The following MPP7 variants were observed in gnomAD, a reference collection of about 807,000 sequenced individuals.
MPP7 encodes MAGUK p55 scaffold protein 7.
A neutral mutation model predicts 76.5 loss-of-function variants in MPP7; 60 were observed. The ratio of observed to expected loss-of-function variants is 0.78; its 90% confidence interval spans 0.64 to 0.97. The LOEUF is 0.97. Ranked by LOEUF, MPP7 falls within the 50% of genes least tolerant of loss-of-function variation. MPP7 has a pLI of 0.00. For synonymous variants in MPP7, 237 were observed against 244.5 expected, an observed-to-expected ratio of 0.97 and a Z score of 0.29; for missense variants, 641 against 694.0, an observed-to-expected ratio of 0.92 and a Z score of 0.86.
intron 11 of MPP7, among the ~76,000 whole-genome samples, chr10:28,116,219 A>T (rs550417297): frequency 6.6e-6 from 1 of 152,314 alleles, no homozygotes; most frequent in South Asian, 2.1e-4. Context: ...CATTAGGAAG[A>T]CAATTCTTAA....
intron 4 of MPP7, among the ~76,000 whole-genome samples, chr10:28,149,709 T>C (rs1395389164): frequency 3.8e-5 from 5 of 131,276 alleles, no homozygotes; most frequent in Non-Finnish European, 7.7e-5. Context: ...ACAGCTTCTC[T>C]CTCTCCAGAG....
chr10:28,245,230 C>G (rs1394638440), intron 1 of MPP7, among the ~76,000 whole-genome samples: 1 of 152,178 alleles, frequency 6.6e-6, no homozygotes, highest in Non-Finnish European at 1.5e-5. Flanking sequence ...GACTAATTCT[C>G]AATTTCAGAT....
At chr10:28,170,809 T>A (rs1836655045) in intron 3 of MPP7, among the ~76,000 whole-genome samples, 1 of 152,148 alleles carries the variant, frequency 6.6e-6, no homozygotes, top group Non-Finnish European at 1.5e-5. Flanking sequence ...GCCCATTCAA[T>A]GTTCATTCAT....
At chr10:28,170,577 C>T (rs928968032) in intron 3 of MPP7, among the ~76,000 whole-genome samples, 1 of 150,532 alleles carries the variant, frequency 6.6e-6, no homozygotes, top group South Asian at 2.1e-4. Context: ...TTCTCTATCA[C>T]TCCTTATTAT....
chr10:28,072,024 A>G (rs140107277), intron 12 of MPP7, among the ~76,000 whole-genome samples: 2,140 of 152,266 alleles, frequency 0.014, 57 homozygotes, highest in African/African-American at 0.048. Context: ...ATATAATCCC[A>G]ACACTTTGGG....
chr10:28,311,199 T>C (rs1841287690), intron 2 of MPP7, among the ~76,000 whole-genome samples: 1 of 152,232 alleles, frequency 6.6e-6, no homozygotes, highest in Non-Finnish European at 1.5e-5. Context: ...TTATATTTAT[T>C]TTTTTCTATT....
chr10:28,128,637 A>G (rs963049980), intron 6 of MPP7, among the ~76,000 whole-genome samples: 1 of 152,220 alleles, frequency 6.6e-6, no homozygotes, highest in Non-Finnish European at 1.5e-5. Flanking sequence ...TTGGCTGAGC[A>G]GCTGGAAGGA....
rs1303451729 is a variant in MPP7 at position 28,089,781 on chromosome 10, T to C, written c.1013A>G (p.Tyr338Cys). 6.2e-7 allele frequency: 1 copy of C among 1,603,224 alleles called. No individual in the cohort carries two copies. Among genetic ancestry groups the C allele is most frequent in the African/African-American group, 1.3e-5 (1 of 74,694 alleles). The change falls in exon 12 of 17, where the codon TAT becomes TGT. Residue 338 changes from tyrosine to cysteine, a missense_variant. Transcript: ENST00000683449. Reference sequence around the variant, plus strand: ...GTACTGATCACTCTTCTTGCATTCATACATGGATTTATTTGTTTTCTTATC... The same window carrying C: ...GTACTGATCACTCTTCTTGCATTCACACATGGATTTATTTGTTTTCTTATC... ...RKDKKTNKSM[Y>C]ECKKSDQYDT...
chr10:28,199,543 T>C (rs1837700410), intron 3 of MPP7, among the ~76,000 whole-genome samples: 1 of 152,086 alleles, frequency 6.6e-6, no homozygotes, highest in South Asian at 2.1e-4. Context: ...TTCCTCTTTA[T>C]AAGTATATTT....
intron 1 of MPP7, among the ~76,000 whole-genome samples, chr10:28,273,670 A>G (rs1185183704): frequency 6.6e-6 from 1 of 152,246 alleles, no homozygotes; most frequent in African/African-American, 2.4e-5. Flanking sequence ...TTGCATCAAG[A>G]GGACTATCAC....
chr10:28,082,266 T>C (rs1358376497), intron 12 of MPP7, among the ~76,000 whole-genome samples: 2 of 152,248 alleles, frequency 1.3e-5, no homozygotes, highest in Non-Finnish European at 2.9e-5. Flanking sequence ...AACTTCTAGA[T>C]AATCTAATAA....
chr10:28,113,320 C>T (rs1167063983), intron 11 of MPP7, among the ~76,000 whole-genome samples: 1 of 152,142 alleles, frequency 6.6e-6, no homozygotes, highest in Non-Finnish European at 1.5e-5. Flanking sequence ...CCTGTTGGCC[C>T]TGCGAGGTAT....
At chr10:28,168,386 T>A (rs1836560634) in intron 3 of MPP7, among the ~76,000 whole-genome samples, 1 of 152,238 alleles carries the variant, frequency 6.6e-6, no homozygotes, top group Admixed American at 6.5e-5. Context: ...ATTACAATTA[T>A]CTTCTCTCAA....
intron 1 of MPP7, among the ~76,000 whole-genome samples, chr10:28,268,114 G>C (rs1324114483): frequency 6.6e-6 from 1 of 152,144 alleles, no homozygotes; most frequent in African/African-American, 2.4e-5. Context: ...TAACAAATGT[G>C]AGTAGAGAGG....
intron 3 of MPP7, among the ~76,000 whole-genome samples, chr10:28,195,431 TTA>T (rs1304263188): frequency 6.6e-6 from 1 of 152,210 alleles, no homozygotes; most frequent in Non-Finnish European, 1.5e-5. Flanking sequence ...ATGCAATAAC[TTA>T]TACACAAATG....
intron 11 of MPP7, chr10:28,119,050 CAGA>C (rs1445099761): frequency 3.0e-6 from 3 of 985,150 alleles, no homozygotes; most frequent in East Asian, 1.1e-4. Flanking sequence ...GAAAAGCTGA[CAGA>C]AGATTAGGCT....
At chr10:28,260,697 A>G (rs1263194255) in intron 1 of MPP7, among the ~76,000 whole-genome samples, 1 of 145,282 alleles carries the variant, frequency 6.9e-6, no homozygotes, top group Non-Finnish European at 1.5e-5. Context: ...GCTCGAACCT[A>G]GGAGGCGGAG....
At chr10:28,089,514 G>C (rs561720876) in intron 12 of MPP7, among the ~76,000 whole-genome samples, 157 bp downstream of exon 12, 2 of 152,188 alleles carry the variant, frequency 1.3e-5, no homozygotes, top group African/African-American at 4.8e-5. Context: ...AGTCAATTAC[G>C]TACAAAAAAC....
At chr10:28,296,602 C>T (rs956160363) in intron 1 of MPP7, among the ~76,000 whole-genome samples, 3 of 152,212 alleles carry the variant, frequency 2.0e-5, no homozygotes, top group Admixed American at 2.0e-4. Context: ...CCTTCTCTAA[C>T]AATCAGTAAC....
Sources: allele counts gnomAD v4.1 joint callset (sites outside exome capture counted in the v4.1 genomes callset), GRCh38; gene constraint gnomAD v4.1.1; transcripts MANE v1.5; gene names NCBI Gene and HGNC (gene_info 2026-07-23, HGNC 2026-07-21).